Variants in VTI1A observed in about 807,000 individuals in gnomAD.
VTI1A encodes the protein vesicle transport through interaction with t-SNAREs homolog 1A.
Under a neutral mutation model 34.9 loss-of-function variants are expected in VTI1A, and 22 were observed. The observed-to-expected ratio is 0.63, with a 90% CI of 0.45 to 0.90. VTI1A has a LOEUF of 0.90. VTI1A is among the 40% of genes least tolerant of loss of function. The pLI is 0.00. For synonymous variants in VTI1A, 87 were observed against 97.3 expected (o/e 0.89, Z 0.62); for missense variants, 268 against 275.6 (o/e 0.97, Z 0.20).
intron 7 of VTI1A, among the ~76,000 whole-genome samples, chr10:112,689,682 A>G (rs1848547076): frequency 6.6e-6 from 1 of 152,122 alleles, no homozygotes; most frequent in Admixed American, 6.5e-5. Flanking sequence ...CACTGAGACC[A>G]GAGGTTGAAA....
chr10:112,711,129 GAA>G (rs200327971), intron 7 of VTI1A, among the ~76,000 whole-genome samples: 1 of 152,128 alleles, frequency 6.6e-6, no homozygotes, highest in Non-Finnish European at 1.5e-5. Flanking sequence ...CCAATCTGTA[GAA>G]AAAATCAATG....
rs530883588 is a variant in VTI1A, at chr10:112,511,791, T to A, written c.265-15296T>A. ...CCTCCATGTGATCAAATTTTTTAGT[T>A]CCCACATATAAGTGAGAACATGTAA... On this transcript the variant is annotated intron_variant, in intron 3 of 7. Transcript: ENST00000393077. Among the ~76,000 whole-genome samples the A allele has an allele frequency of 3.9e-5, 6 of 152,236 alleles. No homozygotes were observed. The South Asian group carries it at 1.2e-3, about 32-fold the overall frequency.
chr10:112,676,045 T>C (rs1848014586), intron 7 of VTI1A, among the ~76,000 whole-genome samples: 1 of 152,208 alleles, frequency 6.6e-6, no homozygotes, highest in East Asian at 1.9e-4. Context: ...ATTATCATTA[T>C]CGTCATCGGT....
At chr10:112,733,346 C>T (rs1032924934) in intron 7 of VTI1A, among the ~76,000 whole-genome samples, 1 of 152,094 alleles carries the variant, frequency 6.6e-6, no homozygotes, top group African/African-American at 2.4e-5. Context: ...AACATTTTCA[C>T]CACCCCAAAA....
At chr10:112,736,296 T>G (rs2133967994) in intron 7 of VTI1A, among the ~76,000 whole-genome samples, 1 of 152,090 alleles carries the variant, frequency 6.6e-6, no homozygotes, top group East Asian at 1.9e-4. Context: ...CTTCATTTAT[T>G]TACTTGATTA....
rs1850172210 is a variant in VTI1A at position 112,525,098 on chromosome 10, A to G, written c.265-1989A>G. Among the ~76,000 whole-genome samples the G allele has an allele frequency of 2.0e-5, 3 of 152,300 alleles. No homozygotes were observed. In the South Asian group the frequency reaches 6.2e-4, roughly 32 times the overall value. On this transcript the variant is annotated intron_variant, in intron 3 of 7. Transcript: ENST00000393077. Reference sequence around the variant, plus strand: ...ATACAATAAGAGAACCAGGCTTAATATATGCTGTGTGCGATGGTCAAAAGT... The same window carrying G: ...ATACAATAAGAGAACCAGGCTTAATGTATGCTGTGTGCGATGGTCAAAAGT...
intron 5 of VTI1A, among the ~76,000 whole-genome samples, chr10:112,651,061 G>A (rs1377941277): frequency 6.6e-6 from 1 of 152,130 alleles, no homozygotes; most frequent in Non-Finnish European, 1.5e-5. Flanking sequence ...GCAATTATAA[G>A]TAATGCTGTG....
At chr10:112,471,545 T>C (rs528944812) in intron 3 of VTI1A, among the ~76,000 whole-genome samples, 1 of 152,220 alleles carries the variant, frequency 6.6e-6, no homozygotes, top group East Asian at 1.9e-4. Flanking sequence ...GTCACACTGC[T>C]TTCTGGAGCC....
At chr10:112,593,173 C>T (rs1564840484) in intron 5 of VTI1A, among the ~76,000 whole-genome samples, 1 of 152,190 alleles carries the variant, frequency 6.6e-6, no homozygotes, top group Non-Finnish European at 1.5e-5. Context: ...TCAACCCTCG[C>T]TCAACATTAG....
intron 7 of VTI1A, among the ~76,000 whole-genome samples, chr10:112,701,036 A>T (rs1848991089): frequency 6.6e-6 from 1 of 152,346 alleles, no homozygotes; most frequent in African/African-American, 2.4e-5. Flanking sequence ...TTATTTGAAA[A>T]TAAGTTGTAT....
chr10:112,834,748 G>A, the VTI1A span, among the ~76,000 whole-genome samples: 2 of 152,222 alleles, frequency 1.3e-5, no homozygotes, highest in Admixed American at 1.3e-4. Flanking sequence ...GCTCTCTGAG[G>A]CCTCTTGAAG....
At chr10:112,757,453 G>C (rs1266845740) in intron 7 of VTI1A, among the ~76,000 whole-genome samples, 1 of 124,122 alleles carries the variant, frequency 8.1e-6, no homozygotes, top group Non-Finnish European at 1.6e-5. Context: ...TGCAACCTCC[G>C]CCTCCCAGCT....
In VTI1A at chr10:112,661,644, A is replaced by AT. The variant is rs1261702593; in HGVS notation, c.428-6568dup. 1.7e-4 allele frequency among the ~76,000 whole-genome samples: 25 copies of AT among 144,588 alleles called. 1 individual carries two copies. Among genetic ancestry groups the AT allele is most frequent in the African/African-American group, 6.2e-4 (24 of 38,988 alleles). The allele number at this position is 144,588 out of a possible 152,430, so 94.9% of individuals were successfully genotyped here. On this transcript the variant is annotated intron_variant, in intron 5 of 7. Coordinates refer to ENST00000393077, the MANE Select transcript of VTI1A (RefSeq NM_145206.4). ...ACGTGGAATAATAGAATGACCTTTT[A>AT]TTTTTTCTTTTAGCACCTTGGAAAG...
intron 7 of VTI1A, among the ~76,000 whole-genome samples, chr10:112,758,958 G>A (rs1010661696): frequency 1.3e-5 from 2 of 152,178 alleles, no homozygotes; most frequent in Non-Finnish European, 2.9e-5. Context: ...AAAGAGAAAC[G>A]ATATGAGCCT....
chr10:112,771,245 TG>T (rs1245126781), intron 7 of VTI1A, among the ~76,000 whole-genome samples: 1 of 152,244 alleles, frequency 6.6e-6, no homozygotes, highest in Non-Finnish European at 1.5e-5. Flanking sequence ...AGAGAGCAGT[TG>T]GAAGAACTAA....
At chr10:112,495,196 CTTTTTTTTTTTT>C (rs751870581) in intron 3 of VTI1A, among the ~76,000 whole-genome samples, 2 of 79,030 alleles carry the variant, frequency 2.5e-5, no homozygotes, top group South Asian at 4.4e-4. Context: ...CAGTAATGGT[CTTTTTTTTTTTT>C]TTTTTTTTTT....
intron 7 of VTI1A, among the ~76,000 whole-genome samples, chr10:112,811,049 T>G (rs765239927): frequency 6.6e-6 from 1 of 152,220 alleles, no homozygotes; most frequent in Non-Finnish European, 1.5e-5. Flanking sequence ...TCGTCTTGTC[T>G]GAGAGGCGGA....
chr10:112,596,154 G>A (rs2134451657), intron 5 of VTI1A, among the ~76,000 whole-genome samples: 2 of 149,796 alleles, frequency 1.3e-5, no homozygotes, highest in East Asian at 3.9e-4. Flanking sequence ...ACACTCTGGG[G>A]ACTGTTGTGG....
rs554416282 is a variant in VTI1A, at chr10:112,741,936, T to C, written c.560+72938T>C. 3.3e-5 allele frequency among the ~76,000 whole-genome samples: 5 copies of C among 152,308 alleles called. No homozygotes were observed. The South Asian group carries it at 1.0e-3, about 32-fold the overall frequency. On this transcript the variant is annotated intron_variant, in intron 7 of 7. Coordinates refer to ENST00000393077, the MANE Select transcript of VTI1A (RefSeq NM_145206.4). Reference sequence around the variant, plus strand: ...TACCTTTGTGCAATAAAAGTCCCTTTAGCAATGCATATTGAGATATATCAT... The same window carrying C: ...TACCTTTGTGCAATAAAAGTCCCTTCAGCAATGCATATTGAGATATATCAT...
Sources: allele counts gnomAD v4.1 joint callset (sites outside exome capture counted in the v4.1 genomes callset), GRCh38; gene constraint gnomAD v4.1.1; transcripts MANE v1.5; gene names NCBI Gene and HGNC (gene_info 2026-07-23, HGNC 2026-07-21).